CNKSR3: variants seen among roughly 807,000 people sequenced by gnomAD.
CNKSR3 encodes the protein connector enhancer of kinase suppressor of ras 3.
A neutral mutation model predicts 67.7 loss-of-function variants in CNKSR3; 36 were observed. The ratio of observed to expected loss-of-function variants is 0.53; its 90% CI spans 0.41 to 0.70. CNKSR3 has a LOEUF of 0.70. CNKSR3 is among the 30% of genes least tolerant of loss of function. The pLI is 0.00. For missense variants in CNKSR3, 630 were observed against 695.2 expected, an observed-to-expected ratio of 0.91 and a Z score of 1.05; for synonymous variants, 281 against 271.4, an observed-to-expected ratio of 1.04 and a Z score of -0.35.
Position 154,448,465 on chromosome 6 carries a change from G to A in CNKSR3, c.216+1630C>T, listed in dbSNP as rs116517743. ...AAAAAAAAAAAGAAAATACAGTTTC[G>A]GTAATAAACAGGATGCTTAGATGTC... On this transcript the variant is annotated intron_variant, in intron 2 of 12. Transcript: ENST00000607772. Among the ~76,000 whole-genome samples, 580 of 147,782 alleles carry A rather than the reference G, an allele frequency of 3.9e-3. 8 individuals are homozygous for A. Among genetic ancestry groups the A allele is most frequent in the African/African-American group, 0.013 (540 of 40,172 alleles).
At position 154,510,163 on chromosome 6, in the gene CNKSR3, CT is replaced by C; in HGVS notation, c.-50del. 1 of 1,607,382 alleles carries C rather than the reference CT, an allele frequency of 6.2e-7. No individual in the cohort carries two copies. The highest frequency in any genetic ancestry group is 8.5e-7 in the Non-Finnish European group (1 of 1,174,450). ...GGGCTGGAGAGTCGCAGATAAAGTG[CT>C]GCTGCCTGCGCTCCGGTGCCCCTTC... On this transcript the variant is annotated 5_prime_UTR_variant, in exon 1 of 13. Transcript: ENST00000607772.
intron 12 of CNKSR3, among the ~76,000 whole-genome samples, chr6:154,407,708 T>G (rs1456459747): frequency 1.3e-5 from 2 of 151,946 alleles, no homozygotes; most frequent in Non-Finnish European, 2.9e-5. Flanking sequence ...TGCCTCAGCA[T>G]CCCAAAGTGT....
chr6:154,483,642 A>AT (rs1786611299), intron 1 of CNKSR3, among the ~76,000 whole-genome samples: 1 of 151,872 alleles, frequency 6.6e-6, no homozygotes, highest in Non-Finnish European at 1.5e-5. Flanking sequence ...CAGCCTTATT[A>AT]TTTTTTATTT....
At chr6:154,466,731 T>TGCATCATCCTCCC (rs370508624) in intron 1 of CNKSR3, among the ~76,000 whole-genome samples, 1,946 of 151,828 alleles carry the variant, frequency 0.013, 34 homozygotes, top group South Asian at 0.038. Flanking sequence ...ATGATCCTCC[T>TGCATCATCCTCCC]GCCTCATCCT....
chr6:154,415,228 A>ATTTTTTTTTTTTTTTTT (rs35873703), intron 9 of CNKSR3, among the ~76,000 whole-genome samples: 4 of 118,110 alleles, frequency 3.4e-5, no homozygotes, highest in African/African-American at 6.6e-5. Context: ...CTAGCTGCCC[A>ATTTTTTTTTTTTTTTTT]TTTTTTTTTT....
chr6:154,455,315 A>G (rs1217308872), intron 1 of CNKSR3, among the ~76,000 whole-genome samples: 1 of 152,174 alleles, frequency 6.6e-6, no homozygotes, highest in Non-Finnish European at 1.5e-5. Context: ...AACCAAAAAA[A>G]AAATAGTGAT....
intron 1 of CNKSR3, among the ~76,000 whole-genome samples, chr6:154,454,497 G>T (rs1278725704): frequency 6.6e-6 from 1 of 152,062 alleles, no homozygotes; most frequent in Non-Finnish European, 1.5e-5. Flanking sequence ...GACCAGCCTG[G>T]ACAACATAGC....
intron 6 of CNKSR3, among the ~76,000 whole-genome samples, chr6:154,429,701 CT>C (rs1027619463): frequency 6.6e-6 from 1 of 152,068 alleles, no homozygotes; most frequent in East Asian, 1.9e-4. Context: ...ACATTAGATA[CT>C]TTCCCCCTCC....
chr6:154,457,150 C>T (rs1007850487), intron 1 of CNKSR3, among the ~76,000 whole-genome samples: 3 of 152,136 alleles, frequency 2.0e-5, no homozygotes, highest in Non-Finnish European at 4.4e-5. Context: ...AGCTTTCAAA[C>T]AGAAGCGTGA....
intron 4 of CNKSR3, 180 bp from the exon 5 acceptor site, chr6:154,433,687 G>A (rs9479853): frequency 0.041 from 23,686 of 573,496 alleles, 632 homozygotes; most frequent in Middle Eastern, 0.077. Flanking sequence ...CAGAGCTGAC[G>A]TTTGCACCTT....
At position 154,445,015 on chromosome 6, in the gene CNKSR3, C is replaced by CT. The variant is rs112843346; in HGVS notation, c.217-2726dup. On this transcript the variant is annotated intron_variant, in intron 2 of 12. Transcript: ENST00000607772. ...AATATACTCGGAAGTAGGTAAGAAACTTTTTTTTTTTTGCAAGATGAACAA... is the reference window on the plus strand; with the variant it reads ...AATATACTCGGAAGTAGGTAAGAAACTTTTTTTTTTTTTGCAAGATGAACAA... Among the ~76,000 whole-genome samples the CT allele has an allele frequency of 1.8e-3, 256 of 145,514 alleles. 1 individual carries two copies. Among genetic ancestry groups the CT allele is most frequent in the Middle Eastern group, 0.01 (3 of 286 alleles).
rs1303748322 is a variant in CNKSR3, at chr6:154,394,855, G to A, written c.*11499C>T. 2.6e-5 allele frequency: 4 copies of A among 152,154 alleles called. No homozygotes were observed. In the South Asian group the frequency reaches 6.2e-4, roughly 24 times the overall value. 9.4% of individuals were successfully genotyped at this position (152,154 alleles called of 1,614,324 possible). On this transcript the variant is annotated 3_prime_UTR_variant, in exon 13 of 13. Transcript: ENST00000607772. ...CACAAGAAGAGCATATAGAGAACCT[G>A]CATATATAAAGCTGTGTGGGTTGGA...
chr6:154,425,840 G>A (rs1424830481), intron 7 of CNKSR3, among the ~76,000 whole-genome samples: 1 of 129,810 alleles, frequency 7.7e-6, no homozygotes. Flanking sequence ...CACCATACTA[G>A]GCTTCTTCCA....
intron 1 of CNKSR3, among the ~76,000 whole-genome samples, chr6:154,456,740 CAT>C (rs1299957341): frequency 3.9e-5 from 5 of 128,780 alleles, no homozygotes; most frequent in Non-Finnish European, 6.5e-5. Context: ...AAAAAAGTGA[CAT>C]GTGATGCAAA....
intron 1 of CNKSR3, chr6:154,478,299 C>T (rs1786495495): frequency 6.6e-6 from 1 of 152,556 alleles, no homozygotes; most frequent in Non-Finnish European, 1.5e-5. Flanking sequence ...TGCATTTGCT[C>T]TTCTTCTGCC....
chr6:154,434,722 T>C (rs1009794635), intron 4 of CNKSR3, among the ~76,000 whole-genome samples: 1 of 152,156 alleles, frequency 6.6e-6, no homozygotes, highest in African/African-American at 2.4e-5. Flanking sequence ...AATTTAGAAA[T>C]GTATTTTTAC....
At chr6:154,483,602 C>A (rs1028625166) in intron 1 of CNKSR3, among the ~76,000 whole-genome samples, 3 of 152,084 alleles carry the variant, frequency 2.0e-5, no homozygotes, top group Admixed American at 6.5e-5. Flanking sequence ...TTTTGTGGAG[C>A]ATGGCCAACC....
chr6:154,454,504 T>C (rs1785910148), intron 1 of CNKSR3, among the ~76,000 whole-genome samples: 1 of 152,032 alleles, frequency 6.6e-6, no homozygotes. Flanking sequence ...CTGGACAACA[T>C]AGCAAGACCC....
intron 4 of CNKSR3, among the ~76,000 whole-genome samples, chr6:154,440,002 C>T (rs957253882): frequency 6.6e-6 from 1 of 152,202 alleles, no homozygotes; most frequent in Non-Finnish European, 1.5e-5. Context: ...ACCACAAATG[C>T]CATGCCTTCA....
Sources: allele counts gnomAD v4.1 joint callset (sites outside exome capture counted in the v4.1 genomes callset), GRCh38; gene constraint gnomAD v4.1.1; transcripts MANE v1.5; gene names NCBI Gene and HGNC (gene_info 2026-07-23, HGNC 2026-07-21).